MARCHF5: variants seen among roughly 807,000 people sequenced by gnomAD.
MARCHF5 encodes membrane associated ring-CH-type finger 5.
Under a neutral mutation model 36.5 loss-of-function variants are expected in MARCHF5, and 5 were observed. The observed-to-expected ratio is 0.14, with a 90% CI of 0.07 to 0.29. The LOEUF is 0.29. MARCHF5 is among the 10% of genes least tolerant of loss of function. The probability of loss-of-function intolerance (pLI) is 1.00; values close to 1 mark genes in which losing one functional copy is unlikely to be tolerated. For missense variants in MARCHF5, 179 were observed against 336.3 expected (o/e 0.53, Z 3.66); for synonymous variants, 103 against 109.9 (o/e 0.94, Z 0.39).
intron 2 of MARCHF5, among the ~76,000 whole-genome samples, chr10:92,315,888 G>C (rs1240780749): frequency 6.6e-6 from 1 of 152,162 alleles, no homozygotes; most frequent in African/African-American, 2.4e-5. Context: ...AGTAGAGCTT[G>C]GGTGATCCTT....
At chr10:92,329,501 A>G (rs1420572237) in intron 2 of MARCHF5, among the ~76,000 whole-genome samples, 14 of 152,106 alleles carry the variant, frequency 9.2e-5, no homozygotes, top group Admixed American at 9.2e-4. Context: ...GGTATCAGTT[A>G]CTCCATAAAA....
At chr10:92,294,954 CCT>C (rs1842930574) in intron 1 of MARCHF5, among the ~76,000 whole-genome samples, 1 of 152,078 alleles carries the variant, frequency 6.6e-6, no homozygotes, top group Non-Finnish European at 1.5e-5. Flanking sequence ...TGGAAGGATT[CCT>C]TGGGGGTCGT....
chr10:92,311,318 A>G lies in MARCHF5; in HGVS notation c.219A>G (p.Leu73=). ...VACPQCNAEY[L]IVFPKLGPVV... ...GTCCTCAGTGCAATGCTGAATACCT[A>G]ATAGTTTTTCCAAAATTGGGTAAGA... Residue 73 remains leucine (L), a synonymous_variant, in exon 2 of 6, where the codon CTA becomes CTG. Coordinates refer to ENST00000358935, the MANE Select transcript of MARCHF5 (RefSeq NM_017824.5). 6.3e-7 allele frequency: 1 copy of G among 1,591,130 alleles called. No individual in the cohort carries two copies. Among genetic ancestry groups the G allele is most frequent in the South Asian group, 1.1e-5 (1 of 88,314 alleles).
chr10:92,294,794 T>C (rs1842929061), intron 1 of MARCHF5, among the ~76,000 whole-genome samples: 1 of 152,198 alleles, frequency 6.6e-6, no homozygotes, highest in Non-Finnish European at 1.5e-5. Flanking sequence ...TCCCAGCACT[T>C]TGGGAGGCCG....
rs191816555 is a variant in MARCHF5 at position 92,309,782 on chromosome 10, A to C, written c.36-1353A>C. On this transcript the variant is annotated intron_variant, in intron 1 of 5. Coordinates refer to ENST00000358935, the MANE Select transcript of MARCHF5 (RefSeq NM_017824.5). ...TACTGCCACTGAATTATACACCTAA[A>C]AAATGGCTAAAATGGTAGATTTTAT... is the stretch of plus-strand genomic sequence containing the variant. Among the ~76,000 whole-genome samples, 179 of 152,304 alleles carry C rather than the reference A, an allele frequency of 1.2e-3. 1 individual carries two copies. The highest frequency in any genetic ancestry group is 9.0e-3 in the Admixed American group (138 of 15,294).
At chr10:92,349,087 A>G (rs80266917) in intron 3 of MARCHF5, among the ~76,000 whole-genome samples, 3 of 152,188 alleles carry the variant, frequency 2.0e-5, no homozygotes, top group East Asian at 1.9e-4. Context: ...CCGCCCCTCT[A>G]TTGTAATGTA....
chr10:92,322,546 C>T (rs1465212672), intron 2 of MARCHF5, among the ~76,000 whole-genome samples: 3 of 147,184 alleles, frequency 2.0e-5, no homozygotes, highest in African/African-American at 7.6e-5. Flanking sequence ...CTCAAGTGAT[C>T]CTCCCACCTC....
intron 2 of MARCHF5, among the ~76,000 whole-genome samples, chr10:92,339,018 C>A (rs1189931239): frequency 6.7e-6 from 1 of 149,382 alleles, no homozygotes. Flanking sequence ...GCACTCCAGC[C>A]TGGGCAACAA....
At chr10:92,331,869 TTATATATAATCATATATATG>T (rs377656529) in intron 2 of MARCHF5, among the ~76,000 whole-genome samples, 71,129 of 137,862 alleles carry the variant, frequency 0.52, 20,800 homozygotes, top group Admixed American at 0.61. Context: ...ATATATGTTT[TTATATATAATCATATATATG>T]TATATATAAT....
At chr10:92,336,066 G>A (rs950795171) in intron 2 of MARCHF5, among the ~76,000 whole-genome samples, 5 of 152,084 alleles carry the variant, frequency 3.3e-5, no homozygotes, top group Admixed American at 1.3e-4. Context: ...ACGGAGTTTC[G>A]CTCTTGTTGC....
intron 1 of MARCHF5, among the ~76,000 whole-genome samples, chr10:92,294,935 A>T (rs1426614668): frequency 1.3e-5 from 2 of 152,106 alleles, no homozygotes; most frequent in African/African-American, 4.8e-5. Flanking sequence ...AATATTCAGG[A>T]AGCTGAGGTG....
chr10:92,298,598 G>T (rs1245424452), intron 1 of MARCHF5, among the ~76,000 whole-genome samples: 1 of 152,124 alleles, frequency 6.6e-6, no homozygotes, highest in Non-Finnish European at 1.5e-5. Context: ...TTGAGACAGG[G>T]TCTGGCTCTG....
intron 2 of MARCHF5, among the ~76,000 whole-genome samples, chr10:92,321,272 G>A (rs1590656720): frequency 6.6e-6 from 1 of 152,094 alleles, no homozygotes; most frequent in Non-Finnish European, 1.5e-5. Flanking sequence ...CCTTTATCAG[G>A]TTGAGGATGT....
chr10:92,316,606 A>C (rs1843212768), intron 2 of MARCHF5, among the ~76,000 whole-genome samples: 1 of 152,152 alleles, frequency 6.6e-6, no homozygotes, highest in South Asian at 2.1e-4. Context: ...TTTGTTGCCT[A>C]CGCTGGAGTA....
intron 3 of MARCHF5, among the ~76,000 whole-genome samples, chr10:92,342,139 C>G (rs759872130): frequency 1.3e-5 from 2 of 148,322 alleles, no homozygotes; most frequent in Non-Finnish European, 3.0e-5. Flanking sequence ...CTTCACCCCC[C>G]TCAATACTCC....
At position 92,353,380 on chromosome 10, in the gene MARCHF5, G is replaced by C. The variant is rs975465759; in HGVS notation, c.*2173G>C. 6.6e-6 allele frequency: 1 copy of C among 152,100 alleles called. No homozygotes were observed. Among genetic ancestry groups the C allele is most frequent in the Non-Finnish European group, 1.5e-5 (1 of 68,026 alleles). The allele number at this position is 152,100 out of a possible 1,614,324, so 9.4% of individuals were successfully genotyped here. Reference sequence around the variant, plus strand: ...TTTCAATAACTGTATGTATGATTTTGGCTAAAGGATTTGACTTTCTCTCAA... The same window carrying C: ...TTTCAATAACTGTATGTATGATTTTCGCTAAAGGATTTGACTTTCTCTCAA... On this transcript the variant is annotated 3_prime_UTR_variant, in exon 6 of 6. Transcript: ENST00000358935.
chr10:92,322,339 A>ATGTCCTT (rs909052479), intron 2 of MARCHF5, among the ~76,000 whole-genome samples: 3 of 124,344 alleles, frequency 2.4e-5, no homozygotes, highest in Non-Finnish European at 5.0e-5. Flanking sequence ...CCTAATATTT[A>ATGTCCTT]TGTCCTTTCT....
At chr10:92,349,159 T>C (rs113702975) in intron 3 of MARCHF5, among the ~76,000 whole-genome samples, 190 bp from the exon 4 acceptor site, 21 of 152,322 alleles carry the variant, frequency 1.4e-4, no homozygotes, top group African/African-American at 4.3e-4. Flanking sequence ...CTTGGGAACT[T>C]TGTTTTTCCC....
intron 2 of MARCHF5, among the ~76,000 whole-genome samples, chr10:92,317,714 A>G (rs1843229440): frequency 1.3e-5 from 2 of 151,452 alleles, no homozygotes; most frequent in African/African-American, 2.4e-5. Flanking sequence ...TCATTGTTGA[A>G]CAGAAATAGT....
Sources: gnomAD v4.1 joint callset for allele counts (sites outside exome capture counted in the v4.1 genomes callset) on GRCh38, gnomAD v4.1.1 for gene constraint, MANE v1.5 for transcripts, NCBI Gene and HGNC (gene_info 2026-07-23, HGNC 2026-07-21) for gene names.